GRM8: variants seen among roughly 807,000 people sequenced by gnomAD.
GRM8 encodes the protein glutamate metabotropic receptor 8.
Under a neutral mutation model 87.2 loss-of-function variants are expected in GRM8, and 47 were observed. The observed-to-expected ratio is 0.54, with a 90% confidence interval of 0.43 to 0.69. The LOEUF (loss-of-function observed/expected upper bound fraction) is 0.69. Ranked by LOEUF, GRM8 falls within the 30% of genes least tolerant of loss-of-function variation. GRM8 has a pLI of 0.00. For missense variants in GRM8, 1,019 were observed against 1,139.2 expected (o/e 0.89, Z 1.52); for synonymous variants, 396 against 404.5 (o/e 0.98, Z 0.25).
At chr7:127,038,696 G>C (rs567610633) in intron 3 of GRM8, among the ~76,000 whole-genome samples, 1 of 152,100 alleles carries the variant, frequency 6.6e-6, no homozygotes, top group African/African-American at 2.4e-5. Context: ...ATAATCCATT[G>C]TAAAAATGGA....
intron 9 of GRM8, among the ~76,000 whole-genome samples, chr7:126,525,109 G>C (rs1026113842): frequency 6.6e-6 from 1 of 152,148 alleles, no homozygotes; most frequent in Non-Finnish European, 1.5e-5. Context: ...GCATGACAAA[G>C]ATTACTGGTG....
intron 2 of GRM8, among the ~76,000 whole-genome samples, chr7:127,144,724 A>G (rs1412672778): frequency 6.6e-6 from 1 of 152,098 alleles, no homozygotes; most frequent in Non-Finnish European, 1.5e-5. Flanking sequence ...GTGAGGCAAG[A>G]ACATGTTTAA....
intron 9 of GRM8, among the ~76,000 whole-genome samples, chr7:126,490,345 T>C (rs572112329): frequency 1.1e-3 from 169 of 152,162 alleles, no homozygotes; most frequent in African/African-American, 3.9e-3. Flanking sequence ...CTCTTAAAAA[T>C]GGTAGCATAT....
At chr7:126,489,818 C>T (rs1295480604) in intron 9 of GRM8, among the ~76,000 whole-genome samples, 1 of 152,008 alleles carries the variant, frequency 6.6e-6, no homozygotes, top group Non-Finnish European at 1.5e-5. Context: ...AAGCAGTAGA[C>T]AGAATAAAGA....
At chr7:126,520,927 T>C (rs1206626752) in intron 9 of GRM8, among the ~76,000 whole-genome samples, 1 of 152,098 alleles carries the variant, frequency 6.6e-6, no homozygotes, top group Admixed American at 6.6e-5. Flanking sequence ...TGTAACCAAG[T>C]GTTCGATAAA....
intron 10 of GRM8, among the ~76,000 whole-genome samples, chr7:126,444,983 AAAAC>A (rs138460879): frequency 0.14 from 21,087 of 150,936 alleles, 1,548 homozygotes; most frequent in Admixed American, 0.17. Flanking sequence ...CTGTCTCTAC[AAAAC>A]AAACAAACAA....
At chr7:127,052,429 G>A (rs573531284) in intron 3 of GRM8, among the ~76,000 whole-genome samples, 1 of 152,246 alleles carries the variant, frequency 6.6e-6, no homozygotes, top group South Asian at 2.1e-4. Context: ...AAATGGGCTG[G>A]GGACTAATAA....
chr7:127,125,847 T>C (rs530953952), intron 2 of GRM8, among the ~76,000 whole-genome samples: 1 of 150,432 alleles, frequency 6.6e-6, no homozygotes, highest in East Asian at 1.9e-4. Context: ...AAAGAAGATA[T>C]ACAAAGGGCC....
intron 3 of GRM8, among the ~76,000 whole-genome samples, chr7:126,976,486 C>T (rs1313641461): frequency 1.3e-5 from 2 of 151,954 alleles, no homozygotes; most frequent in African/African-American, 4.8e-5. Context: ...CCCAGCTACT[C>T]GGGAGGCTGA....
At chr7:126,454,669 G>A (rs1270424179) in intron 9 of GRM8, among the ~76,000 whole-genome samples, 1 of 151,514 alleles carries the variant, frequency 6.6e-6, no homozygotes, top group East Asian at 2.0e-4. Flanking sequence ...AGGTAATTAA[G>A]TTACAATCAG....
chr7:126,549,779 C>A (rs1792374444), intron 8 of GRM8, among the ~76,000 whole-genome samples: 1 of 151,862 alleles, frequency 6.6e-6, no homozygotes, highest in African/African-American at 2.4e-5. Flanking sequence ...ATATGTAATG[C>A]AATAAACTAC....
intron 8 of GRM8, among the ~76,000 whole-genome samples, chr7:126,603,955 TG>T (rs1413935263): frequency 6.6e-6 from 1 of 151,910 alleles, no homozygotes; most frequent in Non-Finnish European, 1.5e-5. Flanking sequence ...ATATAAAAGC[TG>T]TTCCTCTATG....
chr7:127,150,143 C>A (rs1006573183), intron 2 of GRM8, among the ~76,000 whole-genome samples: 1 of 151,924 alleles, frequency 6.6e-6, no homozygotes, highest in African/African-American at 2.4e-5. Flanking sequence ...TGAATATATA[C>A]AATACAATTT....
chr7:127,114,132 C>CGACTATAACTG (rs2133144735), intron 2 of GRM8, among the ~76,000 whole-genome samples: 1 of 152,276 alleles, frequency 6.6e-6, no homozygotes, highest in African/African-American at 2.4e-5. Context: ...TAATCCTGTC[C>CGACTATAACTG]TCATAGTCGA....
intron 7 of GRM8, among the ~76,000 whole-genome samples, chr7:126,613,577 G>C (rs139379293): frequency 2.8e-4 from 42 of 152,334 alleles, no homozygotes; most frequent in African/African-American, 8.4e-4. Context: ...AGCAGGGCGA[G>C]GCATCGCCTC....
At chr7:127,229,862 C>G (rs1797574000) in intron 2 of GRM8, 1 of 152,148 alleles carries the variant, frequency 6.6e-6, no homozygotes, top group South Asian at 2.1e-4. Flanking sequence ...GTGAGCCCCT[C>G]AAGAATGGTG....
At chr7:126,922,491 C>G (rs1198528533) in intron 3 of GRM8, among the ~76,000 whole-genome samples, 5 of 151,868 alleles carry the variant, frequency 3.3e-5, no homozygotes, top group Non-Finnish European at 5.9e-5. Flanking sequence ...AGAAAAAGAG[C>G]TAAAGGGGTT....
chr7:126,890,429 T>C (rs1800883894), intron 6 of GRM8, among the ~76,000 whole-genome samples: 1 of 152,076 alleles, frequency 6.6e-6, no homozygotes, highest in South Asian at 2.1e-4. Context: ...TTGAACTATC[T>C]CACATATCTA....
intron 2 of GRM8, among the ~76,000 whole-genome samples, chr7:127,161,359 T>C (rs1041965848): frequency 1.3e-5 from 2 of 152,156 alleles, no homozygotes; most frequent in African/African-American, 4.8e-5. Flanking sequence ...CAGGCTCTAC[T>C]GGAACAGCTG....
Sources: allele counts gnomAD v4.1 joint callset (sites outside exome capture counted in the v4.1 genomes callset), GRCh38; gene constraint gnomAD v4.1.1; transcripts MANE v1.5; gene names NCBI Gene and HGNC (gene_info 2026-07-23, HGNC 2026-07-21).